Variants in LPAR1 observed in about 807,000 individuals in gnomAD.
LPAR1 encodes LPA receptor 1.
LPAR1 carries 5 observed loss-of-function variants against 23.8 expected under a neutral mutation model. The ratio of observed to expected loss-of-function variants is 0.21; its 90% CI spans 0.11 to 0.44. The LOEUF is 0.44. Ranked by LOEUF, LPAR1 falls within the 20% of genes least tolerant of loss-of-function variation. The probability of loss-of-function intolerance (pLI) is 0.99; values close to 1 mark genes in which losing one functional copy is unlikely to be tolerated. For synonymous variants in LPAR1, 160 were observed against 164.7 expected (o/e 0.97, Z 0.22); for missense variants, 311 against 482.8 (o/e 0.64, Z 3.33).
rs937440847 is a variant in LPAR1 at position 111,038,237 on chromosome 9, C to T, written c.-332G>A. On this transcript the variant is annotated 5_prime_UTR_variant, in exon 1 of 6. Transcript: ENST00000683809. The surrounding 1 kb of genome is among the most constrained non-coding windows in gnomAD (Gnocchi z 4.4). ...TGGCTTCAGGCCGCGCGCCCAGTCCCGGCGGCCCCCGCCCCACCGCCAGCC... is the reference window on the plus strand; with the variant it reads ...TGGCTTCAGGCCGCGCGCCCAGTCCTGGCGGCCCCCGCCCCACCGCCAGCC... 6.7e-6 allele frequency: 1 copy of T among 148,484 alleles called. No individual in the cohort carries two copies. The highest frequency in any genetic ancestry group is 1.5e-5 in the Non-Finnish European group (1 of 66,562). 9.2% of individuals were successfully genotyped at this position (148,484 alleles called of 1,614,324 possible). A position where few individuals can be genotyped will look rare whatever the true frequency, so the allele number is the denominator to read the frequency against.
In LPAR1 at chr9:110,875,309, CAT is replaced by C. The variant is rs2078816028; in HGVS notation, c.*110_*111del. On this transcript the variant is annotated 3_prime_UTR_variant, in exon 6 of 6. Transcript: ENST00000683809. ...ACTGTCATTGGTTAGTGTTTAAGTACATGAGTTGACTTTTCTCCTCTCTCACA... is the reference window on the plus strand; with the variant it reads ...ACTGTCATTGGTTAGTGTTTAAGTACGAGTTGACTTTTCTCCTCTCTCACA... The C allele has an allele frequency of 1.2e-6, 1 of 821,874 alleles. No homozygotes were observed. Among genetic ancestry groups the C allele is most frequent in the East Asian group, 2.7e-5 (1 of 37,076 alleles). 50.9% of individuals were successfully genotyped at this position (821,874 alleles called of 1,614,324 possible). A position where few individuals can be genotyped will look rare whatever the true frequency, so the allele number is the denominator to read the frequency against.
At chr9:110,999,608 T>C (rs1318155015) in intron 2 of LPAR1, 2 of 360,858 alleles carry the variant, frequency 5.5e-6, no homozygotes, top group African/African-American at 4.3e-5. Context: ...GACAACAAAG[T>C]TGGGCTCTGA....
intron 5 of LPAR1, among the ~76,000 whole-genome samples, chr9:110,882,132 T>C (rs2081044276): frequency 6.6e-6 from 1 of 152,254 alleles, no homozygotes; most frequent in Non-Finnish European, 1.5e-5. Context: ...TCTCCCATTT[T>C]ATTATCATCA....
At chr9:110,912,226 A>T (rs1338446920) in intron 5 of LPAR1, among the ~76,000 whole-genome samples, 2 of 152,212 alleles carry the variant, frequency 1.3e-5, no homozygotes, top group East Asian at 1.9e-4. Context: ...ATGTGGCCAG[A>T]TCTCTTTGCT....
chr9:110,876,913 G>A (rs2079244902), intron 5 of LPAR1, among the ~76,000 whole-genome samples: 1 of 152,188 alleles, frequency 6.6e-6, no homozygotes, highest in Non-Finnish European at 1.5e-5. Context: ...TCCAGACTCT[G>A]CTGGGGATCT....
chr9:111,025,250 T>A (rs1273378085), intron 2 of LPAR1, among the ~76,000 whole-genome samples: 1 of 152,206 alleles, frequency 6.6e-6, no homozygotes, highest in Non-Finnish European at 1.5e-5. Context: ...TTCTAACTGG[T>A]GTGAGATGGT....
At chr9:110,991,579 T>TG (rs1554724325) in intron 2 of LPAR1, among the ~76,000 whole-genome samples, 13,668 of 72,932 alleles carry the variant, frequency 0.19, 743 homozygotes, top group Non-Finnish European at 0.26. Context: ...TCTGGTTTGT[T>TG]TTGTTGTTGT....
At chr9:110,998,769 G>A (rs2097070997) in intron 2 of LPAR1, among the ~76,000 whole-genome samples, 1 of 152,172 alleles carries the variant, frequency 6.6e-6, no homozygotes, top group South Asian at 2.1e-4. Context: ...AAAAGAACTG[G>A]ACAATAGGTC....
rs553778568 is a variant in LPAR1, at chr9:110,874,577, A to C, written c.*844T>G. On this transcript the variant is annotated 3_prime_UTR_variant, in exon 6 of 6. Transcript: ENST00000683809. Reference sequence around the variant, plus strand: ...AAGACTACGAAAATTTTCCTCTGATATACTGGTAATTAGAATGTACTTGGG... The same window carrying C: ...AAGACTACGAAAATTTTCCTCTGATCTACTGGTAATTAGAATGTACTTGGG... The C allele has an allele frequency of 6.6e-6, 1 of 152,592 alleles. No individual in the cohort carries two copies. Among genetic ancestry groups the C allele is most frequent in the Non-Finnish European group, 1.5e-5 (1 of 68,026 alleles). 9.5% of individuals were successfully genotyped at this position (152,592 alleles called of 1,614,324 possible). A position where few individuals can be genotyped will look rare whatever the true frequency, so the allele number is the denominator to read the frequency against.
At chr9:110,964,295 AT>A (rs11302438) in intron 4 of LPAR1, among the ~76,000 whole-genome samples, 49,283 of 151,606 alleles carry the variant, frequency 0.33, 9,032 homozygotes, top group Non-Finnish European at 0.42. Context: ...TTTTTAAAAA[AT>A]AAAAATAAAT....
chr9:110,978,048 T>G (rs1004146427), intron 2 of LPAR1, among the ~76,000 whole-genome samples: 1 of 152,182 alleles, frequency 6.6e-6, no homozygotes, highest in Non-Finnish European at 1.5e-5. Flanking sequence ...GGGAAGATTC[T>G]AGAATCAGAG....
At chr9:110,881,982 T>C (rs1233635598) in intron 5 of LPAR1, among the ~76,000 whole-genome samples, 4 of 152,156 alleles carry the variant, frequency 2.6e-5, no homozygotes, top group Non-Finnish European at 4.4e-5. Flanking sequence ...TGTCTCAGGA[T>C]CTTTGCATTT....
chr9:110,979,457 G>A (rs143582357), intron 2 of LPAR1, among the ~76,000 whole-genome samples: 4 of 152,182 alleles, frequency 2.6e-5, no homozygotes, highest in East Asian at 3.9e-4. Flanking sequence ...TTCCTAAAAC[G>A]TAAGGTCATA....
At chr9:110,886,229 T>G (rs1263831198) in intron 5 of LPAR1, among the ~76,000 whole-genome samples, 1 of 145,438 alleles carries the variant, frequency 6.9e-6, no homozygotes, top group African/African-American at 2.6e-5. Flanking sequence ...CTGGGCGTGG[T>G]GACACATGCC....
intron 5 of LPAR1, among the ~76,000 whole-genome samples, chr9:110,914,668 A>T (rs1396396230): frequency 2.0e-5 from 3 of 152,202 alleles, no homozygotes; most frequent in Admixed American, 6.5e-5. Flanking sequence ...CCAGGCTGAG[A>T]GTCTTATCGA....
chr9:110,915,129 T>C lies in LPAR1; in HGVS notation c.793+26292A>G, dbSNP rs80284500. ...CCCTGTATAATTGTACTCTCTAAAGTGTGCTTATGATTCATAGTTTTTCTT... is the reference window on the plus strand; with the variant it reads ...CCCTGTATAATTGTACTCTCTAAAGCGTGCTTATGATTCATAGTTTTTCTT... On this transcript the variant is annotated intron_variant, in intron 5 of 5. Coordinates refer to ENST00000683809, the MANE Select transcript of LPAR1 (RefSeq NM_001351411.2). 2.2e-3 allele frequency among the ~76,000 whole-genome samples: 337 copies of C among 152,336 alleles called. 3 individuals carry two copies. The highest frequency in any genetic ancestry group is 3.6e-3 in the Non-Finnish European group (245 of 68,020).
At chr9:110,964,780 T>C (rs1052963484) in intron 4 of LPAR1, among the ~76,000 whole-genome samples, 4 of 151,768 alleles carry the variant, frequency 2.6e-5, no homozygotes. Flanking sequence ...ATACATATTT[T>C]GTTGAGAGTA....
At chr9:111,028,474 T>C (rs1285136037) in intron 2 of LPAR1, among the ~76,000 whole-genome samples, 2 of 152,114 alleles carry the variant, frequency 1.3e-5, no homozygotes, top group South Asian at 2.1e-4. Context: ...TCCTATCAAA[T>C]TGAAATGAGT....
In LPAR1 at chr9:111,005,688, A is replaced by G. The variant is rs7042936; in HGVS notation, c.-182+30434T>C. ...TAGCAAGTCTTAACATTATTTACCA[A>G]CAAAACTACCTGGAGTTCCTAGAAA... is the stretch of plus-strand genomic sequence containing the variant. On this transcript the variant is annotated intron_variant, in intron 2 of 5. Transcript: ENST00000683809. 9.6e-3 allele frequency among the ~76,000 whole-genome samples: 1,466 copies of G among 152,140 alleles called. 22 individuals carry two copies. Among genetic ancestry groups the G allele is most frequent in the African/African-American group, 0.033 (1,370 of 41,466 alleles).
Sources: allele counts gnomAD v4.1 joint callset (sites outside exome capture counted in the v4.1 genomes callset), GRCh38; gene constraint gnomAD v4.1.1; non-coding constraint Gnocchi (gnomAD v3.1); transcripts MANE v1.5; gene names NCBI Gene and HGNC (gene_info 2026-07-23, HGNC 2026-07-21).